Variants in DNER observed in about 807,000 individuals in gnomAD.
The protein encoded by DNER is delta/notch like EGF repeat containing, also known as delta and Notch-like epidermal growth factor-related receptor.
A neutral mutation model predicts 78.2 loss-of-function variants in DNER; 33 were observed. That is an observed-to-expected ratio of 0.42 (90% CI 0.32 to 0.56). The LOEUF is 0.56. DNER is among the 20% of genes least tolerant of loss of function. The probability of loss-of-function intolerance (pLI) is 0.11; values close to 1 mark genes in which losing one functional copy is unlikely to be tolerated. For missense variants in DNER, 918 were observed against 975.3 expected (o/e 0.94, Z 0.78); for synonymous variants, 417 against 384.8 (o/e 1.08, Z -0.98).
At chr2:229,650,441 T>C (rs1267000927) in intron 1 of DNER, among the ~76,000 whole-genome samples, 1 of 152,228 alleles carries the variant, frequency 6.6e-6, no homozygotes, top group Non-Finnish European at 1.5e-5. Flanking sequence ...CACATTTCCG[T>C]AATTTGGCAA....
At chr2:229,499,931 C>CT (rs58019962) in intron 6 of DNER, among the ~76,000 whole-genome samples, 27 of 134,830 alleles carry the variant, frequency 2.0e-4, no homozygotes, top group East Asian at 1.0e-3. Flanking sequence ...GACTTTCTTT[C>CT]TTTTTTTTTT....
intron 1 of DNER, among the ~76,000 whole-genome samples, chr2:229,659,607 G>A (rs544424770): frequency 6.6e-6 from 1 of 152,216 alleles, no homozygotes; most frequent in African/African-American, 2.4e-5. Context: ...CATCTTGAGA[G>A]TCTGATGGAA....
At chr2:229,637,923 C>T (rs1399114585) in intron 1 of DNER, among the ~76,000 whole-genome samples, 1 of 152,094 alleles carries the variant, frequency 6.6e-6, no homozygotes, top group Non-Finnish European at 1.5e-5. Flanking sequence ...TACCAAGTTG[C>T]TTTAAGAAAA....
intron 4 of DNER, among the ~76,000 whole-genome samples, chr2:229,549,546 G>A (rs540823937): frequency 2.0e-5 from 3 of 152,036 alleles, no homozygotes; most frequent in South Asian, 4.2e-4. Context: ...TGATCTCCCC[G>A]TCTTGGCCTC....
chr2:229,627,932 A>T (rs1447373330), intron 1 of DNER, among the ~76,000 whole-genome samples: 2 of 152,200 alleles, frequency 1.3e-5, no homozygotes, highest in Non-Finnish European at 2.9e-5. Flanking sequence ...CCCACCACAC[A>T]TCCTCTTCTG....
At chr2:229,493,609 G>T (rs1476363409) in intron 6 of DNER, among the ~76,000 whole-genome samples, 1 of 152,116 alleles carries the variant, frequency 6.6e-6, no homozygotes, top group East Asian at 1.9e-4. Context: ...AGAGAACTGA[G>T]CCCCTACCAT....
At chr2:229,604,916 G>A (rs796145056) in intron 1 of DNER, among the ~76,000 whole-genome samples, 67 of 152,216 alleles carry the variant, frequency 4.4e-4, no homozygotes, top group African/African-American at 1.5e-3. Flanking sequence ...GGTGGCCCTA[G>A]ATATCCAGTA....
At chr2:229,594,877 G>A (rs1293168809) in intron 1 of DNER, among the ~76,000 whole-genome samples, 1 of 144,562 alleles carries the variant, frequency 6.9e-6, no homozygotes, top group African/African-American at 2.5e-5. Flanking sequence ...GTATGATAAT[G>A]GTAATACTCA....
At chr2:229,420,337 A>G (rs1693738881) in intron 8 of DNER, among the ~76,000 whole-genome samples, 1 of 152,158 alleles carries the variant, frequency 6.6e-6, no homozygotes, top group Non-Finnish European at 1.5e-5. Flanking sequence ...CCCTTATCAA[A>G]TGTATTGTTT....
chr2:229,481,096 C>T (rs368391873), intron 6 of DNER, among the ~76,000 whole-genome samples: 2 of 152,170 alleles, frequency 1.3e-5, no homozygotes, highest in Admixed American at 6.5e-5. Flanking sequence ...TCTGCAAAGC[C>T]GATGAGGGTA....
intron 9 of DNER, among the ~76,000 whole-genome samples, chr2:229,417,463 G>A (rs933359736): frequency 3.3e-4 from 50 of 152,206 alleles, no homozygotes; most frequent in Non-Finnish European, 5.9e-5. Flanking sequence ...TGGGCTCCAG[G>A]AAGCCTTGCC....
intron 5 of DNER, among the ~76,000 whole-genome samples, chr2:229,537,915 A>T (rs1696441020): frequency 6.6e-6 from 1 of 152,190 alleles, no homozygotes; most frequent in South Asian, 2.1e-4. Context: ...CAAATATGTG[A>T]TTGCATTTTC....
intron 1 of DNER, among the ~76,000 whole-genome samples, chr2:229,633,187 G>A (rs1698458345): frequency 6.6e-6 from 1 of 152,188 alleles, no homozygotes; most frequent in Non-Finnish European, 1.5e-5. Context: ...CTGAATGTAT[G>A]ACACTAGATA....
intron 7 of DNER, among the ~76,000 whole-genome samples, chr2:229,465,619 G>T (rs1694788169): frequency 1.3e-5 from 2 of 151,978 alleles, no homozygotes; most frequent in Admixed American, 6.5e-5. Flanking sequence ...CAGAATCTCA[G>T]CCCCCATCCC....
At chr2:229,413,538 G>C (rs1260398038) in intron 9 of DNER, among the ~76,000 whole-genome samples, 1 of 151,208 alleles carries the variant, frequency 6.6e-6, no homozygotes, top group African/African-American at 2.4e-5. Context: ...AGCCAGGCTG[G>C]TCTCGAACTC....
chr2:229,365,370 G>A (rs1341136282), intron 12 of DNER, among the ~76,000 whole-genome samples: 2 of 152,188 alleles, frequency 1.3e-5, no homozygotes, highest in African/African-American at 4.8e-5. Flanking sequence ...ATGGAAACAA[G>A]ACGGAGATGA....
chr2:229,461,424 C>A (rs1374209940), intron 7 of DNER, among the ~76,000 whole-genome samples: 1 of 151,470 alleles, frequency 6.6e-6, no homozygotes, highest in Non-Finnish European at 1.5e-5. Flanking sequence ...TTTTAAAATT[C>A]CCCTTATAGA....
At chr2:229,679,476 A>C (rs1699351572) in intron 1 of DNER, among the ~76,000 whole-genome samples, 1 of 152,122 alleles carries the variant, frequency 6.6e-6, no homozygotes, top group Non-Finnish European at 1.5e-5. Flanking sequence ...TTTTTCTACT[A>C]CCCTGTCCTA....
At chr2:229,618,585 T>C (rs1377186049) in intron 1 of DNER, among the ~76,000 whole-genome samples, 1 of 152,164 alleles carries the variant, frequency 6.6e-6, no homozygotes, top group African/African-American at 2.4e-5. Flanking sequence ...CCCACCCCAG[T>C]GAATTCTGCC....
Sources: allele counts gnomAD v4.1 joint callset (sites outside exome capture counted in the v4.1 genomes callset), GRCh38; gene constraint gnomAD v4.1.1; transcripts MANE v1.5; gene names NCBI Gene and HGNC (gene_info 2026-07-23, HGNC 2026-07-21).